The following ARHGAP39 variants were observed in gnomAD, a reference collection of about 807,000 sequenced individuals.
ARHGAP39 encodes Rho GTPase activating protein 39.
ARHGAP39 carries 44 observed loss-of-function variants against 106.9 expected under a neutral mutation model. That is an observed-to-expected ratio of 0.41 (90% CI 0.32 to 0.53). The LOEUF (loss-of-function observed/expected upper bound fraction) is 0.53, where lower values mean the gene tolerates loss of function less well. Ranked by LOEUF, ARHGAP39 falls within the 20% of genes least tolerant of loss-of-function variation. The probability of loss-of-function intolerance (pLI) is 0.21; values close to 1 mark genes in which losing one functional copy is unlikely to be tolerated. For synonymous variants in ARHGAP39, 768 were observed against 693.2 expected (o/e 1.11, Z -1.69); for missense variants, 1,496 against 1,577.3 (o/e 0.95, Z 0.87).
At position 144,545,792 on chromosome 8, in the gene ARHGAP39, A is replaced by G. The variant is rs1351504326; in HGVS notation, c.1978T>C (p.Cys660Arg). Residue 660 changes from cysteine (C) to arginine (R), a missense_variant, in exon 6 of 12, where the codon TGT becomes CGT. Transcript: ENST00000377307. The stretch of plus-strand genomic sequence containing the variant: ...TGCCGGCTGCTCTCGAACTGGGCAC[A>G]GGCAGCGAGGTCCTCAGACTGAGAA... ...HPSQSEDLAA[C>R]AQFESSRQSR... 2.0e-6 allele frequency: 3 copies of G among 1,532,566 alleles called. No homozygotes were observed. Among genetic ancestry groups the G allele is most frequent in the African/African-American group, 1.4e-5 (1 of 72,698 alleles). The allele number at this position is 1,532,566 out of a possible 1,614,324, so 94.9% of individuals were successfully genotyped here.
intron 4 of ARHGAP39, among the ~76,000 whole-genome samples, chr8:144,554,860 G>A (rs968652917): frequency 1.3e-5 from 2 of 152,168 alleles, no homozygotes; most frequent in Admixed American, 6.5e-5. Context: ...CTGTTCAATC[G>A]TCTGTGCAGA....
intron 1 of ARHGAP39, among the ~76,000 whole-genome samples, chr8:144,618,706 A>C (rs1465368983): frequency 6.6e-6 from 1 of 152,206 alleles, no homozygotes; most frequent in Non-Finnish European, 1.5e-5. Context: ...GGCCGGGCGC[A>C]GGAAGCGGCT....
chr8:144,613,079 T>G (rs1457660447), intron 1 of ARHGAP39, among the ~76,000 whole-genome samples: 1 of 152,266 alleles, frequency 6.6e-6, no homozygotes, highest in Non-Finnish European at 1.5e-5. Flanking sequence ...AACATACATC[T>G]TTACTTTGTC....
At chr8:144,567,665 C>T (rs1355411001) in intron 3 of ARHGAP39, among the ~76,000 whole-genome samples, 2 of 152,240 alleles carry the variant, frequency 1.3e-5, no homozygotes, top group African/African-American at 4.8e-5. Flanking sequence ...GTACACCTGG[C>T]TCTGCCTTCT....
At chr8:144,681,460 A>G (rs1278408847) in intron 1 of ARHGAP39, among the ~76,000 whole-genome samples, 3 of 152,208 alleles carry the variant, frequency 2.0e-5, no homozygotes, top group East Asian at 1.9e-4. Flanking sequence ...CATAAGGTCT[A>G]TGACGCAGGA....
At chr8:144,545,834 G>A in intron 5 of ARHGAP39, 24 bp from the exon 6 acceptor site, 1 of 1,472,734 alleles carries the variant, frequency 6.8e-7, no homozygotes. Context: ...ATGCGGCTGG[G>A]CTGTTGGGGG....
intron 1 of ARHGAP39, among the ~76,000 whole-genome samples, chr8:144,622,750 G>C (rs1398794512): frequency 1.3e-5 from 2 of 152,236 alleles, no homozygotes; most frequent in Non-Finnish European, 1.5e-5. Flanking sequence ...CAGAACCTTA[G>C]AGAACAAAAC....
intron 3 of ARHGAP39, among the ~76,000 whole-genome samples, chr8:144,570,263 A>G (rs1262173549): frequency 1.3e-5 from 2 of 152,188 alleles, no homozygotes; most frequent in Non-Finnish European, 2.9e-5. Flanking sequence ...AAAGCTTATA[A>G]GCCGAGCAGA....
rs1464799331 is a variant in ARHGAP39, at chr8:144,547,663, A to G, written c.1423T>C (p.Trp475Arg). The change falls in exon 5 of 12, where the codon TGG becomes CGG. Residue 475 changes from tryptophan (W) to arginine (R), a missense_variant. Around this residue, in one of 4 missense-constraint regions of ARHGAP39, gnomAD observed 905 missense variants for 816.4 expected, o/e 1.11. Transcript: ENST00000377307. The surrounding 1 kb of genome is among the most constrained non-coding windows in gnomAD (Gnocchi z 5.2). Reference protein sequence around the residue: ...LPQAQEDAMSWSSQQDTLSST... With the variant: ...LPQAQEDAMSRSSQQDTLSST... Reference sequence around the variant, plus strand: ...GACAGGGTGTCCTGCTGGCTGGACCAGGACATGGCATCCTCCTGGGCCTGT... The same window carrying G: ...GACAGGGTGTCCTGCTGGCTGGACCGGGACATGGCATCCTCCTGGGCCTGT... 1 of 1,558,462 alleles carries G rather than the reference A, an allele frequency of 6.4e-7. No homozygotes were observed. The highest frequency in any genetic ancestry group is 1.3e-5 in the African/African-American group (1 of 74,166).
chr8:144,667,633 A>G (rs1391003033), intron 1 of ARHGAP39, among the ~76,000 whole-genome samples: 14 of 152,240 alleles, frequency 9.2e-5, no homozygotes, highest in Non-Finnish European at 1.9e-4. Flanking sequence ...ATGACAGGAC[A>G]GGAGAAGAAG....
At chr8:144,677,574 C>T (rs1033918283) in intron 1 of ARHGAP39, among the ~76,000 whole-genome samples, 5 of 152,096 alleles carry the variant, frequency 3.3e-5, no homozygotes, top group Non-Finnish European at 5.9e-5. Flanking sequence ...CAGCCAAATA[C>T]AGTGCGGCCA....
At chr8:144,559,415 A>T (rs1305478873) in intron 3 of ARHGAP39, among the ~76,000 whole-genome samples, 1 of 145,310 alleles carries the variant, frequency 6.9e-6, no homozygotes, top group Non-Finnish European at 1.5e-5. Flanking sequence ...GTACTAGTAG[A>T]TGGATGGATT....
At chr8:144,564,915 C>T (rs1176873642) in intron 3 of ARHGAP39, among the ~76,000 whole-genome samples, 1 of 151,870 alleles carries the variant, frequency 6.6e-6, no homozygotes, top group Non-Finnish European at 1.5e-5. Flanking sequence ...TCGAGACCAA[C>T]CTGACCAATA....
chr8:144,641,629 C>T lies in ARHGAP39; in HGVS notation c.-81-35934G>A, dbSNP rs972111431. 6.6e-6 allele frequency among the ~76,000 whole-genome samples: 1 copy of T among 152,240 alleles called. No homozygotes were observed. The highest frequency in any genetic ancestry group is 2.4e-5 in the African/African-American group (1 of 41,472). ...CTTCCAGCTTAGACTCAGCCTCTGTCGGCCTCCGCCAAAAGCAGAGCCTGA... is the reference window on the plus strand; with the variant it reads ...CTTCCAGCTTAGACTCAGCCTCTGTTGGCCTCCGCCAAAAGCAGAGCCTGA... On this transcript the variant is annotated intron_variant, in intron 1 of 11. Transcript: ENST00000377307. The surrounding 1 kb of genome is among the most constrained non-coding windows in gnomAD (Gnocchi z 5.2).
chr8:144,573,864 A>C (rs182699167), intron 3 of ARHGAP39, among the ~76,000 whole-genome samples: 7 of 152,346 alleles, frequency 4.6e-5, no homozygotes, highest in Admixed American at 1.3e-4. Flanking sequence ...ATAAATTACA[A>C]ATGAGTCAAA....
At chr8:144,683,854 C>G (rs1822498127) in intron 1 of ARHGAP39, among the ~76,000 whole-genome samples, 1 of 152,158 alleles carries the variant, frequency 6.6e-6, no homozygotes, top group Admixed American at 6.5e-5. Context: ...TGAAGACCCA[C>G]TGACCCAGCA....
intron 3 of ARHGAP39, among the ~76,000 whole-genome samples, chr8:144,566,672 A>C (rs2063057903): frequency 6.6e-6 from 1 of 152,108 alleles, no homozygotes; most frequent in African/African-American, 2.4e-5. Flanking sequence ...CCTGGCCAAC[A>C]TGGTGAAACG....
rs887558301 is a variant in ARHGAP39 at position 144,685,818 on chromosome 8, C to T, written c.-214G>A. Reference sequence around the variant, plus strand: ...CCGCGGCAGCCCGTGCTGTCGGCGTCCTCCGCCGCCGCCGCCGGCCCAGTG... The same window carrying T: ...CCGCGGCAGCCCGTGCTGTCGGCGTTCTCCGCCGCCGCCGCCGGCCCAGTG... On this transcript the variant is annotated 5_prime_UTR_variant, in exon 1 of 12. Transcript: ENST00000377307. Among the ~76,000 whole-genome samples the T allele has an allele frequency of 6.8e-6, 1 of 147,844 alleles. No individual in the cohort carries two copies. Among genetic ancestry groups the T allele is most frequent in the South Asian group, 2.1e-4 (1 of 4,826 alleles).
At chr8:144,629,266 T>G (rs543473108) in intron 1 of ARHGAP39, among the ~76,000 whole-genome samples, 55 of 152,340 alleles carry the variant, frequency 3.6e-4, no homozygotes, top group Middle Eastern at 3.4e-3. Context: ...AGCCTCAGCC[T>G]AAGGCGGAGC....
Sources: gnomAD v4.1 joint callset for allele counts (sites outside exome capture counted in the v4.1 genomes callset) on GRCh38, gnomAD v4.1.1 for gene constraint, gnomAD v4.1.1 regional missense constraint, Gnocchi (gnomAD v3.1) non-coding constraint, MANE v1.5 for transcripts, NCBI Gene and HGNC (gene_info 2026-07-23, HGNC 2026-07-21) for gene names.